ZNF622: variants seen among roughly 807,000 people sequenced by gnomAD.
ZNF622 encodes the protein cytoplasmic 60S subunit biogenesis factor ZNF622.
ZNF622 carries 34 observed loss-of-function variants against 49.7 expected under a neutral mutation model. The ratio of observed to expected loss-of-function variants is 0.68; its 90% CI spans 0.52 to 0.91. The LOEUF (loss-of-function observed/expected upper bound fraction) is 0.91, where lower values mean the gene tolerates loss of function less well. ZNF622 is among the 40% of genes least tolerant of loss of function. The probability of loss-of-function intolerance (pLI) is 0.00; values close to 1 mark genes in which losing one functional copy is unlikely to be tolerated. For missense variants in ZNF622, 569 were observed against 616.4 expected, an observed-to-expected ratio of 0.92 and a Z score of 0.81; for synonymous variants, 209 against 228.7, an observed-to-expected ratio of 0.91 and a Z score of 0.78.
chr5:16,461,705 G>A (rs1353844752), intron 3 of ZNF622, among the ~76,000 whole-genome samples: 1 of 152,192 alleles, frequency 6.6e-6, no homozygotes, highest in Non-Finnish European at 1.5e-5. Flanking sequence ...TGCATAGCAG[G>A]AGTTGATTTT....
chr5:16,460,311 G>C (rs191065067), intron 3 of ZNF622, among the ~76,000 whole-genome samples: 1 of 152,144 alleles, frequency 6.6e-6, no homozygotes, highest in Non-Finnish European at 1.5e-5. Context: ...TGACTACAGA[G>C]GGCCAGCTGT....
chr5:16,457,934 T>A (rs1223217300), intron 4 of ZNF622, among the ~76,000 whole-genome samples: 6 of 152,302 alleles, frequency 3.9e-5, no homozygotes, highest in Admixed American at 2.0e-4. Flanking sequence ...TACCTTTCCA[T>A]CCCCTTTCAT....
At chr5:16,454,725 C>A (rs79493588) in intron 4 of ZNF622, among the ~76,000 whole-genome samples, 1 of 152,108 alleles carries the variant, frequency 6.6e-6, no homozygotes, top group African/African-American at 2.4e-5. Flanking sequence ...CACACAGCCA[C>A]GCTCAACTGT....
At position 16,463,381 on chromosome 5, in the gene ZNF622, A is replaced by T; in HGVS notation, c.886+101T>A. The T allele has an allele frequency of 6.7e-7, 1 of 1,498,730 alleles. No homozygotes were observed. The highest frequency in any genetic ancestry group is 9.0e-7 in the Non-Finnish European group (1 of 1,111,164). The allele number at this position is 1,498,730 out of a possible 1,614,324, so 92.8% of individuals were successfully genotyped here. On this transcript the variant is annotated intron_variant, in intron 2 of 5. Transcript: ENST00000308683. This position sits in a 1 kb window ranked among gnomAD's most constrained non-coding sequence, Gnocchi z 4.2. ...TCATTCACAAAATAACCAAGCAATT[A>T]TATCAAAGATTGATGAAAAATGCAA...
At chr5:16,464,095 A>G (rs1738169720) in intron 1 of ZNF622, among the ~76,000 whole-genome samples, 1 of 152,186 alleles carries the variant, frequency 6.6e-6, no homozygotes, top group African/African-American at 2.4e-5. Flanking sequence ...ACTATTTCAC[A>G]AAAGTACTAT....
At chr5:16,458,301 A>C (rs1003386625) in intron 4 of ZNF622, among the ~76,000 whole-genome samples, 7 of 152,180 alleles carry the variant, frequency 4.6e-5, no homozygotes, top group Admixed American at 1.3e-4. Context: ...TCTGAATCAT[A>C]ACCCAGAAAT....
chr5:16,453,559 TTATA>T lies in ZNF622; in HGVS notation c.1163-407_1163-404del, dbSNP rs58965299. Among the ~76,000 whole-genome samples the T allele has an allele frequency of 4.6e-3, 310 of 67,114 alleles. 2 individuals are homozygous for T. Among genetic ancestry groups the T allele is most frequent in the Middle Eastern group, 0.011 (1 of 88 alleles). The allele number at this position is 67,114 out of a possible 152,430, so 44.0% of individuals were successfully genotyped here. ...TTTTATATATATAAATAAATAAAAA[TTATA>T]TATATATATATATATATATATATAT... On this transcript the variant is annotated intron_variant, in intron 4 of 5. Coordinates refer to ENST00000308683, the MANE Select transcript of ZNF622 (RefSeq NM_033414.3).
intron 1 of ZNF622, among the ~76,000 whole-genome samples, chr5:16,464,335 C>T (rs55904417): frequency 0.07 from 10,688 of 152,066 alleles, 866 homozygotes; most frequent in African/African-American, 0.21. Flanking sequence ...CACATGATGA[C>T]ACCATGAGAA....
At chr5:16,458,737 G>C (rs1738074672) in intron 3 of ZNF622, 108 bp from the exon 4 acceptor site, 1 of 713,354 alleles carries the variant, frequency 1.4e-6, no homozygotes, top group Non-Finnish European at 2.3e-6. Flanking sequence ...CTAAAAGGGA[G>C]AGGGGAGGAA....
rs1737937943 is a variant in ZNF622 at position 16,451,768 on chromosome 5, T to C, written c.1323A>G (p.Arg441=). Reference sequence around the variant, plus strand: ...TTTGGACATACTGCATGTCTCGCTCTCGCATAAGAGCCGCTCCTATGATTG... The same window carrying C: ...TTTGGACATACTGCATGTCTCGCTCCCGCATAAGAGCCGCTCCTATGATTG... ...WTGSTGAALM[R]ERDMQYVQRM... The change falls in exon 6 of 6, where the codon CGA becomes CGG. Residue 441 remains arginine, a synonymous_variant. Transcript: ENST00000308683. The C allele has an allele frequency of 6.2e-7, 1 of 1,613,844 alleles. No individual in the cohort carries two copies. The highest frequency in any genetic ancestry group is 8.5e-7 in the Non-Finnish European group (1 of 1,179,930).
chr5:16,464,996 G>A (rs754277814), intron 1 of ZNF622, 45 bp downstream of exon 1: 2 of 1,525,518 alleles, frequency 1.3e-6, no homozygotes, highest in African/African-American at 1.4e-5. Context: ...ACTTAAGGGT[G>A]GGCCAAGTTC....
chr5:16,457,521 T>C (rs1561068801), intron 4 of ZNF622, among the ~76,000 whole-genome samples: 1 of 152,206 alleles, frequency 6.6e-6, no homozygotes, highest in Non-Finnish European at 1.5e-5. Context: ...ATCTTCAAAA[T>C]AGGTTCTGCC....
chr5:16,453,242 A>C, intron 4 of ZNF622, 86 bp from the exon 5 acceptor site: 1 of 1,269,560 alleles, frequency 7.9e-7, no homozygotes, highest in East Asian at 2.8e-5. Flanking sequence ...TCCAAATCAG[A>C]TCTTTTAGTA....
At chr5:16,464,957 A>AC (rs1362685202) in intron 1 of ZNF622, 84 bp downstream of exon 1, 3 of 1,505,384 alleles carry the variant, frequency 2.0e-6, no homozygotes, top group East Asian at 2.3e-5. Flanking sequence ...AAACACACAC[A>AC]CACACCCATC....
At chr5:16,461,474 G>A (rs891417472) in intron 3 of ZNF622, among the ~76,000 whole-genome samples, 2 of 152,244 alleles carry the variant, frequency 1.3e-5, no homozygotes, top group Non-Finnish European at 2.9e-5. Context: ...GAAGTCAGGC[G>A]AAAGATGATG....
rs1738201759 is a variant in ZNF622, at chr5:16,465,401, G to A, written c.265C>T (p.Arg89Trp). 3 of 1,614,096 alleles carry A rather than the reference G, an allele frequency of 1.9e-6. No individual in the cohort carries two copies. Among genetic ancestry groups the A allele is most frequent in the African/African-American group, 1.3e-5 (1 of 74,930 alleles). The change falls in exon 1 of 6, where the codon CGG becomes TGG. Residue 89 changes from arginine to tryptophan, a missense_variant. By Grantham distance (101) the Arg-to-Trp change is moderately radical. Coordinates refer to ENST00000308683, the MANE Select transcript of ZNF622 (RefSeq NM_033414.3). This position sits in a 1 kb window ranked among gnomAD's most constrained non-coding sequence, Gnocchi z 6.2. Reference sequence around the variant, plus strand: ...TTCTTCTCCAGCTCAACGTGACGCCGGGACTTGAGGTGGTTCTCGTAGGCG... The same window carrying A: ...TTCTTCTCCAGCTCAACGTGACGCCAGGACTTGAGGTGGTTCTCGTAGGCG... ...FNAYENHLKS[R>W]RHVELEKKAV...
intron 4 of ZNF622, 88 bp downstream of exon 4, chr5:16,458,429 C>T (rs949926853): frequency 3.3e-6 from 3 of 919,504 alleles, no homozygotes; most frequent in African/African-American, 3.3e-5. Flanking sequence ...TGGTCTATTT[C>T]CCTCAGTATG....
intron 3 of ZNF622, among the ~76,000 whole-genome samples, chr5:16,460,906 C>A (rs994363353): frequency 6.6e-6 from 1 of 152,012 alleles, no homozygotes. Context: ...CAGTAAAGAA[C>A]AAGAGTAACA....
chr5:16,452,990 T>G, intron 5 of ZNF622, 23 bp downstream of exon 5: 1 of 1,421,288 alleles, frequency 7.0e-7, no homozygotes, highest in South Asian at 1.7e-5. Context: ...CAGACTGGTC[T>G]GTAGTTGTAA....
Sources: gnomAD v4.1 joint callset for allele counts (sites outside exome capture counted in the v4.1 genomes callset) on GRCh38, gnomAD v4.1.1 for gene constraint, Gnocchi (gnomAD v3.1) non-coding constraint, MANE v1.5 for transcripts, NCBI Gene and HGNC (gene_info 2026-07-23, HGNC 2026-07-21) for gene names.